Variants in MSRA observed in about 807,000 individuals in gnomAD.
MSRA encodes the protein methionine sulfoxide reductase A.
Under a neutral mutation model 31.3 loss-of-function variants are expected in MSRA, and 54 were observed. That is an observed-to-expected ratio of 1.73 (90% CI 1.39 to 2.17). The LOEUF (loss-of-function observed/expected upper bound fraction) is 2.17. MSRA is among the 30% of genes most tolerant of loss of function. The pLI, the probability that MSRA is intolerant of heterozygous loss-of-function variation, is 0.00. For synonymous variants in MSRA, 169 were observed against 116.5 expected (o/e 1.45, Z -2.90); for missense variants, 507 against 300.9 (o/e 1.69, Z -5.07).
chr8:10,308,119 A>G (rs1485010661), intron 4 of MSRA, among the ~76,000 whole-genome samples: 1 of 152,162 alleles, frequency 6.6e-6, no homozygotes, highest in African/African-American at 2.4e-5. Flanking sequence ...CAGAGTCACC[A>G]TCCCAGGCTG....
intron 5 of MSRA, among the ~76,000 whole-genome samples, chr8:10,378,086 C>G (rs959461989): frequency 6.6e-6 from 1 of 152,242 alleles, no homozygotes; most frequent in Non-Finnish European, 1.5e-5. Context: ...GGCAGAGGAA[C>G]TCTGTGGACT....
At chr8:10,129,876 C>T (rs1801773853) in intron 1 of MSRA, among the ~76,000 whole-genome samples, 1 of 151,968 alleles carries the variant, frequency 6.6e-6, no homozygotes, top group African/African-American at 2.4e-5. Flanking sequence ...CATATTTCTC[C>T]TCTCTCTCTC....
At chr8:10,339,580 C>T (rs1362054779) in intron 5 of MSRA, among the ~76,000 whole-genome samples, 11 of 117,846 alleles carry the variant, frequency 9.3e-5, no homozygotes, top group East Asian at 2.9e-4. Context: ...CTCGTTCTGT[C>T]GCCCAGGCTG....
intron 5 of MSRA, among the ~76,000 whole-genome samples, chr8:10,383,631 G>A (rs563035844): frequency 1.9e-4 from 29 of 152,184 alleles, no homozygotes; most frequent in African/African-American, 7.0e-4. Flanking sequence ...ACCTTGAAGT[G>A]AAAAGGAATT....
intron 5 of MSRA, among the ~76,000 whole-genome samples, chr8:10,335,416 A>G (rs114514488): frequency 0.014 from 2,146 of 152,022 alleles, 41 homozygotes; most frequent in African/African-American, 0.049. Flanking sequence ...ACAGCACTCC[A>G]TTGCGACGTC....
chr8:10,269,333 A>C (rs1798908629), intron 3 of MSRA, among the ~76,000 whole-genome samples: 1 of 152,220 alleles, frequency 6.6e-6, no homozygotes, highest in Admixed American at 6.5e-5. Context: ...GCTTAAAGGA[A>C]TTTCTTTTCT....
chr8:10,286,710 G>A (rs555859238), intron 3 of MSRA, among the ~76,000 whole-genome samples: 4 of 152,326 alleles, frequency 2.6e-5, no homozygotes, highest in African/African-American at 9.6e-5. Flanking sequence ...CCAAGAGCAG[G>A]CTCAGTGTAT....
chr8:10,336,110 T>C (rs1054589314), intron 5 of MSRA, among the ~76,000 whole-genome samples: 4 of 152,168 alleles, frequency 2.6e-5, no homozygotes, highest in Non-Finnish European at 5.9e-5. Context: ...CTTGCCAATA[T>C]CACATTAAAA....
chr8:10,260,449 C>G (rs1228665055), intron 3 of MSRA, among the ~76,000 whole-genome samples: 1 of 152,186 alleles, frequency 6.6e-6, no homozygotes, highest in African/African-American at 2.4e-5. Context: ...TACCCCACGA[C>G]TCTAGCGGCA....
chr8:10,156,603 C>A (rs2129039825), intron 1 of MSRA, among the ~76,000 whole-genome samples: 1 of 152,166 alleles, frequency 6.6e-6, no homozygotes, highest in South Asian at 2.1e-4. Context: ...TTAATCTCTT[C>A]TTTTCATATG....
chr8:10,332,458 T>TCCC (rs57339343), intron 5 of MSRA, among the ~76,000 whole-genome samples: 1 of 149,058 alleles, frequency 6.7e-6, no homozygotes, highest in South Asian at 2.1e-4. Flanking sequence ...AAATCCCCCC[T>TCCC]CCCCACCGTA....
Position 10,361,852 on chromosome 8 carries a change from C to T in MSRA, c.543+41863C>T, listed in dbSNP as rs181502440. Among the ~76,000 whole-genome samples the T allele has an allele frequency of 4.0e-3, 614 of 152,272 alleles. 1 individual carries two copies. The highest frequency in any genetic ancestry group is 6.9e-3 in the Non-Finnish European group (472 of 68,028). ...TTTTAAAATTTCAACTTTTTGACAT[C>T]GTACTGTCATCCTTTAAAGTTTTGT... is the stretch of plus-strand genomic sequence containing the variant. On this transcript the variant is annotated intron_variant, in intron 5 of 5. Coordinates refer to ENST00000317173, the MANE Select transcript of MSRA (RefSeq NM_012331.5).
At chr8:10,058,588 A>G (rs1375880143) in intron 1 of MSRA, among the ~76,000 whole-genome samples, 2 of 152,244 alleles carry the variant, frequency 1.3e-5, no homozygotes, top group Non-Finnish European at 2.9e-5. Flanking sequence ...AAATATTTAA[A>G]GAGCAGATAA....
At chr8:10,352,163 C>T (rs764005062) in intron 5 of MSRA, among the ~76,000 whole-genome samples, 65 of 152,234 alleles carry the variant, frequency 4.3e-4, no homozygotes, top group Non-Finnish European at 7.2e-4. Context: ...GGGAACACGT[C>T]GTGAACAGAG....
chr8:10,199,117 T>C (rs962189341), intron 1 of MSRA, among the ~76,000 whole-genome samples: 4 of 152,204 alleles, frequency 2.6e-5, no homozygotes, highest in Non-Finnish European at 5.9e-5. Flanking sequence ...CTCTGTCTTT[T>C]GCAGAATCAT....
At chr8:10,228,274 G>A (rs905697323) in intron 2 of MSRA, among the ~76,000 whole-genome samples, 2 of 152,274 alleles carry the variant, frequency 1.3e-5, no homozygotes, top group South Asian at 2.1e-4. Flanking sequence ...ATCAAGGTGC[G>A]CCCTTTTGCC....
chr8:10,342,000 T>C (rs1025917880), intron 5 of MSRA, among the ~76,000 whole-genome samples: 2 of 152,148 alleles, frequency 1.3e-5, no homozygotes, highest in Admixed American at 1.3e-4. Context: ...GGTTAGGGGC[T>C]TTGGGGAAGC....
At chr8:10,376,518 G>A (rs1385697560) in intron 5 of MSRA, among the ~76,000 whole-genome samples, 1 of 152,114 alleles carries the variant, frequency 6.6e-6, no homozygotes. Flanking sequence ...TCTACAATAA[G>A]GGTAATGATA....
intron 1 of MSRA, among the ~76,000 whole-genome samples, chr8:10,113,556 G>C (rs922684857): frequency 6.6e-6 from 1 of 151,676 alleles, no homozygotes; most frequent in Non-Finnish European, 1.5e-5. Context: ...TGTTGACAGT[G>C]AGAAGTGGTG....
Sources: allele counts gnomAD v4.1 joint callset (sites outside exome capture counted in the v4.1 genomes callset), GRCh38; gene constraint gnomAD v4.1.1; transcripts MANE v1.5; gene names NCBI Gene and HGNC (gene_info 2026-07-23, HGNC 2026-07-21).